ARHGAP15: variants seen among roughly 807,000 people sequenced by gnomAD.
ARHGAP15 encodes rho GTPase-activating protein 15.
ARHGAP15 carries 51 observed loss-of-function variants against 63.7 expected under a neutral mutation model. The observed-to-expected ratio is 0.80, with a 90% CI of 0.64 to 1.01. The LOEUF (loss-of-function observed/expected upper bound fraction) is 1.01. Ranked by LOEUF, ARHGAP15 falls within the 50% of genes least tolerant of loss-of-function variation. The probability of loss-of-function intolerance (pLI) is 0.00; values close to 1 mark genes in which losing one functional copy is unlikely to be tolerated. For missense variants in ARHGAP15, 560 were observed against 564.6 expected (o/e 0.99, Z 0.08); for synonymous variants, 191 against 193.8 (o/e 0.99, Z 0.12).
chr2:143,372,238 A>G (rs1045172351), intron 6 of ARHGAP15, among the ~76,000 whole-genome samples: 1 of 151,358 alleles, frequency 6.6e-6, no homozygotes, highest in African/African-American at 2.4e-5. Flanking sequence ...GGTACTCGGA[A>G]GGAAGAGGTG....
rs143780855 is a variant in ARHGAP15 at position 143,557,127 on chromosome 2, C to T, written c.1003+642C>T. Among the ~76,000 whole-genome samples, 18 of 152,152 alleles carry T rather than the reference C, an allele frequency of 1.2e-4. No homozygotes were observed. The East Asian group carries it at 3.3e-3, about 28-fold the overall frequency. On this transcript the variant is annotated intron_variant, in intron 11 of 13. Transcript: ENST00000295095. The stretch of plus-strand genomic sequence containing the variant: ...ATAAATGTATTTTTATTGTATGATC[C>T]AGTACTTCTTGGTACTAACCCAAAT...
At chr2:143,758,995 G>A (rs564288790) in intron 13 of ARHGAP15, among the ~76,000 whole-genome samples, 2 of 152,312 alleles carry the variant, frequency 1.3e-5, no homozygotes, top group South Asian at 2.1e-4. Flanking sequence ...CACTAAGGCA[G>A]AGGTCTTCAT....
intron 12 of ARHGAP15, among the ~76,000 whole-genome samples, chr2:143,629,588 C>A (rs1031658380): frequency 2.6e-5 from 4 of 152,110 alleles, no homozygotes; most frequent in African/African-American, 9.6e-5. Context: ...TACCACTGTT[C>A]CCATCTTTTT....
At chr2:143,561,279 C>T (rs906644483) in intron 11 of ARHGAP15, among the ~76,000 whole-genome samples, 3 of 152,118 alleles carry the variant, frequency 2.0e-5, no homozygotes, top group Non-Finnish European at 4.4e-5. Flanking sequence ...CATCCTCTTT[C>T]ACCCTTTGAA....
chr2:143,367,298 A>T (rs1686336166), intron 6 of ARHGAP15, among the ~76,000 whole-genome samples: 1 of 151,780 alleles, frequency 6.6e-6, no homozygotes, highest in Admixed American at 6.6e-5. Context: ...GAGGGTTCTG[A>T]CCTCTTGCCC....
At chr2:143,341,174 C>G (rs1339575835) in intron 6 of ARHGAP15, among the ~76,000 whole-genome samples, 1 of 152,046 alleles carries the variant, frequency 6.6e-6, no homozygotes, top group Non-Finnish European at 1.5e-5. Context: ...TTATCTACCT[C>G]TCCGGCATCC....
chr2:143,152,843 GA>G (rs1359490269), intron 1 of ARHGAP15, among the ~76,000 whole-genome samples: 1 of 151,920 alleles, frequency 6.6e-6, no homozygotes, highest in Non-Finnish European at 1.5e-5. Flanking sequence ...GGGTGAGATG[GA>G]AAAGGAAGTG....
At chr2:143,299,944 A>G (rs1295269776) in intron 6 of ARHGAP15, among the ~76,000 whole-genome samples, 1 of 152,016 alleles carries the variant, frequency 6.6e-6, no homozygotes, top group Non-Finnish European at 1.5e-5. Flanking sequence ...ATCAACCAAC[A>G]AAGTCTTCAT....
intron 6 of ARHGAP15, among the ~76,000 whole-genome samples, chr2:143,427,081 G>A (rs759773710): frequency 4.6e-5 from 7 of 152,134 alleles, no homozygotes; most frequent in Non-Finnish European, 8.8e-5. Flanking sequence ...AGTCTGTACA[G>A]CACTAAAGCT....
chr2:143,569,912 A>G (rs945237922), intron 11 of ARHGAP15, among the ~76,000 whole-genome samples: 6 of 152,196 alleles, frequency 3.9e-5, no homozygotes, highest in Admixed American at 3.9e-4. Context: ...TCCTTTAAGC[A>G]ATAAAGTGTA....
intron 9 of ARHGAP15, among the ~76,000 whole-genome samples, chr2:143,497,621 A>G (rs948830706): frequency 1.3e-5 from 2 of 152,186 alleles, no homozygotes; most frequent in Non-Finnish European, 2.9e-5. Context: ...AACAGTATCC[A>G]AAGCCAGTGC....
In ARHGAP15 at chr2:143,487,508, T is replaced by G; in HGVS notation, c.826+13T>G. On this transcript the variant is annotated intron_variant, in intron 9 of 13. Coordinates refer to ENST00000295095, the MANE Select transcript of ARHGAP15 (RefSeq NM_018460.4). ...GGACTTATTAAAGGTACAGGTCATT[T>G]TATACTTGTACTATAACTGTGATAA... 6.2e-7 allele frequency: 1 copy of G among 1,610,490 alleles called. No homozygotes were observed. The highest frequency in any genetic ancestry group is 1.1e-5 in the South Asian group (1 of 90,208).
chr2:143,454,075 G>A (rs1344682911), intron 8 of ARHGAP15, among the ~76,000 whole-genome samples: 1 of 151,954 alleles, frequency 6.6e-6, no homozygotes, highest in East Asian at 1.9e-4. Flanking sequence ...AAACAAATTG[G>A]TCCTTTCAAA....
rs925858691 is a variant in ARHGAP15, at chr2:143,601,910, A to G, written c.1004-22223A>G. ...TTAGCTTACCTTTTTTACAAGATAT[A>G]TATTTCAAGGTTTTGTTTTCATATA... On this transcript the variant is annotated intron_variant, in intron 11 of 13. Coordinates refer to ENST00000295095, the MANE Select transcript of ARHGAP15 (RefSeq NM_018460.4). Among the ~76,000 whole-genome samples the G allele has an allele frequency of 3.9e-5, 6 of 152,300 alleles. No homozygotes were observed. The East Asian group carries it at 9.6e-4, about 24-fold the overall frequency.
At chr2:143,719,174 TG>T (rs1278522125) in intron 13 of ARHGAP15, among the ~76,000 whole-genome samples, 1 of 152,224 alleles carries the variant, frequency 6.6e-6, no homozygotes, top group Non-Finnish European at 1.5e-5. Context: ...CATGAACTGA[TG>T]GTCAATAGAC....
At chr2:143,643,358 T>A (rs1680701054) in intron 12 of ARHGAP15, among the ~76,000 whole-genome samples, 1 of 151,910 alleles carries the variant, frequency 6.6e-6, no homozygotes, top group Admixed American at 6.6e-5. Flanking sequence ...TTGGCCAAAT[T>A]TATGTACATG....
intron 6 of ARHGAP15, among the ~76,000 whole-genome samples, chr2:143,323,094 T>G (rs1684096883): frequency 6.6e-6 from 1 of 152,212 alleles, no homozygotes; most frequent in African/African-American, 2.4e-5. Flanking sequence ...TTCAGTGTAC[T>G]TTTTACTTTG....
At chr2:143,136,375 C>T (rs1689142678) in intron 1 of ARHGAP15, among the ~76,000 whole-genome samples, 1 of 151,116 alleles carries the variant, frequency 6.6e-6, no homozygotes, top group Non-Finnish European at 1.5e-5. Flanking sequence ...AAAATCTTGC[C>T]AAGTGAATAC....
At chr2:143,166,664 A>T (rs1690548056) in intron 2 of ARHGAP15, among the ~76,000 whole-genome samples, 1 of 152,124 alleles carries the variant, frequency 6.6e-6, no homozygotes, top group South Asian at 2.1e-4. Context: ...CTATGCTTAA[A>T]AATGGCCTGT....
Sources: allele counts gnomAD v4.1 joint callset (sites outside exome capture counted in the v4.1 genomes callset), GRCh38; gene constraint gnomAD v4.1.1; transcripts MANE v1.5; gene names NCBI Gene and HGNC (gene_info 2026-07-23, HGNC 2026-07-21).